The following ITSN1 variants were observed in gnomAD, a reference collection of about 807,000 sequenced individuals.
ITSN1 encodes the protein intersectin 1.
A neutral mutation model predicts 239.8 loss-of-function variants in ITSN1; 58 were observed. The observed-to-expected ratio is 0.24, with a 90% CI of 0.20 to 0.30. The LOEUF is 0.30. Among genes scored for constraint, ITSN1 ranks in the 10% least tolerant of loss-of-function variants. The pLI is 1.00. For missense variants in ITSN1, 1,558 were observed against 2,103.3 expected (o/e 0.74, Z 5.07); for synonymous variants, 780 against 770.8 (o/e 1.01, Z -0.20).
At chr21:33,681,264 TG>T (rs1415344027) in intron 1 of ITSN1, among the ~76,000 whole-genome samples, 1 of 152,168 alleles carries the variant, frequency 6.6e-6, no homozygotes, top group African/African-American at 2.4e-5. Flanking sequence ...GCTGAGAGGT[TG>T]GGGGCAGGCA....
At chr21:33,850,204 T>G (rs2075114340) in intron 29 of ITSN1, among the ~76,000 whole-genome samples, 1 of 152,222 alleles carries the variant, frequency 6.6e-6, no homozygotes, top group African/African-American at 2.4e-5. Context: ...TGGATTCCCC[T>G]CCTTGGGAGA....
At chr21:33,770,984 T>A (rs187791247) in intron 11 of ITSN1, among the ~76,000 whole-genome samples, 120 of 152,150 alleles carry the variant, frequency 7.9e-4, no homozygotes, top group African/African-American at 2.8e-3. Flanking sequence ...CAGGCTGGTA[T>A]GGAACTCCTG....
chr21:33,795,054 C>T (rs2071432151), intron 17 of ITSN1, among the ~76,000 whole-genome samples: 1 of 152,192 alleles, frequency 6.6e-6, no homozygotes. Context: ...GATTTTGTTA[C>T]TGGGTATTTG....
intron 1 of ITSN1, among the ~76,000 whole-genome samples, chr21:33,718,295 G>A (rs1884884685): frequency 6.6e-6 from 1 of 152,118 alleles, no homozygotes; most frequent in African/African-American, 2.4e-5. Context: ...ATTATAGATG[G>A]TTAAGAAAAA....
At position 33,882,506 on chromosome 21, in the gene ITSN1, G is replaced by T; in HGVS notation, c.4554+51G>T. On this transcript the variant is annotated intron_variant, in intron 35 of 39. Coordinates refer to ENST00000381318, the MANE Select transcript of ITSN1 (RefSeq NM_003024.3). The surrounding 1 kb of genome is among the most constrained non-coding windows in gnomAD (Gnocchi z 4.5). ...TATCAGGGTTGACGTGTTTGGGGAG[G>T]AAGAAGTTTCCAAAAAGGAGGTAGA... The T allele has an allele frequency of 2.0e-6, 3 of 1,527,478 alleles. No homozygotes were observed. Among genetic ancestry groups the T allele is most frequent in the Non-Finnish European group, 2.7e-6 (3 of 1,111,260 alleles). The allele number at this position is 1,527,478 out of a possible 1,614,324, so 94.6% of individuals were successfully genotyped here.
At chr21:33,743,122 A>G (rs887108844) in intron 5 of ITSN1, among the ~76,000 whole-genome samples, 2 of 152,204 alleles carry the variant, frequency 1.3e-5, no homozygotes, top group African/African-American at 4.8e-5. Context: ...AACACAGGGG[A>G]TACTAACTGA....
At chr21:33,884,892 C>G (rs75269726) in intron 36 of ITSN1, 149 bp from the exon 37 acceptor site, 122 of 629,738 alleles carry the variant, frequency 1.9e-4, no homozygotes, top group Non-Finnish European at 3.2e-4. Context: ...ATTAGCGTCA[C>G]GTGACATAAA....
At chr21:33,828,263 C>G (rs1444455705) in intron 26 of ITSN1, among the ~76,000 whole-genome samples, 1 of 152,246 alleles carries the variant, frequency 6.6e-6, no homozygotes, top group African/African-American at 2.4e-5. Context: ...TTTCTCCAAA[C>G]CATAAACTCT....
intron 26 of ITSN1, among the ~76,000 whole-genome samples, chr21:33,827,198 A>T (rs758239053): frequency 3.3e-5 from 5 of 152,080 alleles, no homozygotes; most frequent in African/African-American, 4.8e-5. Flanking sequence ...TCAGGAGTTT[A>T]AGACCAGCCT....
At chr21:33,777,100 G>A (rs764197146) in intron 14 of ITSN1, among the ~76,000 whole-genome samples, 2 of 151,978 alleles carry the variant, frequency 1.3e-5, no homozygotes, top group Non-Finnish European at 2.9e-5. Context: ...TTTCATAGTT[G>A]TATCTTATAT....
chr21:33,715,444 T>C (rs898221351), intron 1 of ITSN1, among the ~76,000 whole-genome samples: 11 of 152,212 alleles, frequency 7.2e-5, no homozygotes, highest in African/African-American at 2.7e-4. Flanking sequence ...TGTTTTACTA[T>C]GCATTTAAAA....
intron 1 of ITSN1, among the ~76,000 whole-genome samples, chr21:33,693,106 T>C (rs765194703): frequency 6.6e-6 from 1 of 152,204 alleles, no homozygotes; most frequent in Non-Finnish European, 1.5e-5. Flanking sequence ...CAGTAAAATC[T>C]ATTTCTATGA....
chr21:33,839,504 CG>C (rs376993426), intron 29 of ITSN1, among the ~76,000 whole-genome samples: 59 of 152,198 alleles, frequency 3.9e-4, no homozygotes, highest in African/African-American at 1.4e-3. Context: ...CAGGGGTGGG[CG>C]GGGAGATCCT....
chr21:33,673,014 G>T (rs116847715), intron 1 of ITSN1, among the ~76,000 whole-genome samples: 26 of 152,080 alleles, frequency 1.7e-4, no homozygotes, highest in African/African-American at 6.3e-4. Context: ...TGGCGGAAAC[G>T]ATTTAATAAG....
In ITSN1 at chr21:33,745,054, C is replaced by T. The variant is rs555406611; in HGVS notation, c.347-5089C>T. Among the ~76,000 whole-genome samples the T allele has an allele frequency of 3.9e-5, 6 of 152,284 alleles. No individual in the cohort carries two copies. The South Asian group carries it at 8.3e-4, about 21-fold the overall frequency. On this transcript the variant is annotated intron_variant, in intron 5 of 39. Coordinates refer to ENST00000381318, the MANE Select transcript of ITSN1 (RefSeq NM_003024.3). ...CAAAGACATAGTAGGATTAGAACAT[C>T]ACTATTTTCAACTCCCCATAAATGA...
At chr21:33,851,356 GTC>G (rs1442438618) in intron 29 of ITSN1, among the ~76,000 whole-genome samples, 1 of 151,962 alleles carries the variant, frequency 6.6e-6, no homozygotes, top group Non-Finnish European at 1.5e-5. Context: ...AGGTCCTACT[GTC>G]TCCACCATCA....
intron 33 of ITSN1, among the ~76,000 whole-genome samples, chr21:33,867,953 C>T (rs995255782): frequency 6.6e-6 from 1 of 152,140 alleles, no homozygotes; most frequent in Admixed American, 6.6e-5. Context: ...AGTGAAGCTG[C>T]AGACTTTCGC....
At chr21:33,646,735 G>T (rs551543295) in intron 1 of ITSN1, among the ~76,000 whole-genome samples, 2 of 152,330 alleles carry the variant, frequency 1.3e-5, no homozygotes, top group African/African-American at 4.8e-5. Flanking sequence ...TGATGATAAA[G>T]AATTGGGGTG....
At chr21:33,691,188 T>C (rs2091530409) in intron 1 of ITSN1, among the ~76,000 whole-genome samples, 1 of 152,154 alleles carries the variant, frequency 6.6e-6, no homozygotes, top group African/African-American at 2.4e-5. Context: ...AGGCAGGACC[T>C]GTGTCTTTCT....
Sources: allele counts gnomAD v4.1 joint callset (sites outside exome capture counted in the v4.1 genomes callset), GRCh38; gene constraint gnomAD v4.1.1; non-coding constraint Gnocchi (gnomAD v3.1); transcripts MANE v1.5; gene names NCBI Gene and HGNC (gene_info 2026-07-23, HGNC 2026-07-21).